The following NBEA variants were observed in gnomAD, a reference collection of about 807,000 sequenced individuals.
NBEA encodes lysosomal-trafficking regulator 2.
NBEA carries 44 observed loss-of-function variants against 343.4 expected under a neutral mutation model. That is an observed-to-expected ratio of 0.13 (90% CI 0.10 to 0.16). The LOEUF (loss-of-function observed/expected upper bound fraction) is 0.16. NBEA is among the 10% of genes least tolerant of loss of function. NBEA has a pLI of 1.00. For missense variants in NBEA, 2,555 were observed against 3,631.3 expected (o/e 0.70, Z 7.62); for synonymous variants, 1,175 against 1,238.7 (o/e 0.95, Z 1.08).
chr13:35,136,923 A>T (rs2152690540), intron 17 of NBEA, among the ~76,000 whole-genome samples: 1 of 152,358 alleles, frequency 6.6e-6, no homozygotes, highest in East Asian at 1.9e-4. Flanking sequence ...AACAATTCAT[A>T]CATAACAGCA....
chr13:35,480,673 T>G (rs984378082), intron 41 of NBEA, among the ~76,000 whole-genome samples: 6 of 152,046 alleles, frequency 3.9e-5, no homozygotes, highest in African/African-American at 1.2e-4. Flanking sequence ...TCTTTCCCCC[T>G]TCTTTTTTTT....
intron 45 of NBEA, among the ~76,000 whole-genome samples, chr13:35,579,615 A>G (rs942113003): frequency 1.3e-5 from 2 of 152,174 alleles, no homozygotes; most frequent in African/African-American, 4.8e-5. Context: ...TTGCATCTAA[A>G]CAGTTGTTTT....
At chr13:35,222,419 T>A (rs2074421261) in intron 33 of NBEA, among the ~76,000 whole-genome samples, 1 of 152,154 alleles carries the variant, frequency 6.6e-6, no homozygotes, top group Non-Finnish European at 1.5e-5. Context: ...TATTTCTACA[T>A]CATTTGCATT....
At chr13:35,020,353 T>C (rs1390656267) in intron 1 of NBEA, among the ~76,000 whole-genome samples, 1 of 152,216 alleles carries the variant, frequency 6.6e-6, no homozygotes, top group Non-Finnish European at 1.5e-5. Context: ...TATCATACTT[T>C]GTATAATTTG....
chr13:35,190,656 G>T (rs2072118971), intron 30 of NBEA, among the ~76,000 whole-genome samples: 1 of 152,102 alleles, frequency 6.6e-6, no homozygotes, highest in South Asian at 2.1e-4. Flanking sequence ...ACAAACTGTA[G>T]GTGGGGTCAG....
intron 1 of NBEA, among the ~76,000 whole-genome samples, chr13:34,966,182 A>G (rs966094030): frequency 2.0e-5 from 3 of 152,096 alleles, no homozygotes; most frequent in Non-Finnish European, 4.4e-5. Context: ...ACTTTGGGCA[A>G]TATGGAGCAA....
At chr13:35,376,221 C>A (rs774302037) in intron 38 of NBEA, among the ~76,000 whole-genome samples, 1 of 152,052 alleles carries the variant, frequency 6.6e-6, no homozygotes, top group Non-Finnish European at 1.5e-5. Context: ...AGAGCCTTTG[C>A]ACATTATGAA....
At chr13:35,532,752 C>T (rs1332630043) in intron 41 of NBEA, among the ~76,000 whole-genome samples, 9 of 152,108 alleles carry the variant, frequency 5.9e-5, no homozygotes, top group Admixed American at 2.6e-4. Flanking sequence ...AATGAATCTT[C>T]AGCCAGGGCC....
chr13:35,303,955 C>A (rs539860728), intron 35 of NBEA, among the ~76,000 whole-genome samples: 5 of 152,136 alleles, frequency 3.3e-5, no homozygotes, highest in Non-Finnish European at 1.5e-5. Context: ...TTGTCCTCAT[C>A]ATACCTGACT....
intron 4 of NBEA, among the ~76,000 whole-genome samples, chr13:35,048,335 C>T (rs2062938457): frequency 1.3e-5 from 2 of 151,922 alleles, no homozygotes; most frequent in South Asian, 4.1e-4. Flanking sequence ...GAGATAAAAT[C>T]TAATTCACTG....
chr13:35,226,312 G>C (rs2074647948), intron 33 of NBEA, among the ~76,000 whole-genome samples: 1 of 152,062 alleles, frequency 6.6e-6, no homozygotes, highest in African/African-American at 2.4e-5. Flanking sequence ...TTAACCTTGG[G>C]TGAAGCAGCT....
intron 48 of NBEA, among the ~76,000 whole-genome samples, chr13:35,627,581 G>A (rs982572342): frequency 1.3e-5 from 2 of 152,074 alleles, no homozygotes; most frequent in African/African-American, 4.8e-5. Context: ...TTAATTCATA[G>A]TGGAAGAAAG....
intron 17 of NBEA, among the ~76,000 whole-genome samples, chr13:35,136,203 C>T (rs1280246722): frequency 6.6e-6 from 1 of 152,106 alleles, no homozygotes; most frequent in African/African-American, 2.4e-5. Context: ...AGTATCCTTC[C>T]CTCATTTCTA....
At chr13:35,518,433 A>G (rs771311299) in intron 41 of NBEA, among the ~76,000 whole-genome samples, 3 of 152,190 alleles carry the variant, frequency 2.0e-5, no homozygotes, top group South Asian at 2.1e-4. Flanking sequence ...AGAGCCGGAA[A>G]TGGAATTAAA....
intron 38 of NBEA, among the ~76,000 whole-genome samples, chr13:35,395,035 GT>G (rs1335227609): frequency 6.6e-6 from 1 of 151,880 alleles, no homozygotes; most frequent in Non-Finnish European, 1.5e-5. Context: ...TGTTGTTTAA[GT>G]TTCCGATATT....
At chr13:35,550,377 ATTCAT>A in intron 41 of NBEA, 95 bp from the exon 42 acceptor site, 1 of 649,214 alleles carries the variant, frequency 1.5e-6, no homozygotes, top group Non-Finnish European at 2.6e-6. Flanking sequence ...CAGACAGTGA[ATTCAT>A]TTCTAGTTTT....
intron 1 of NBEA, among the ~76,000 whole-genome samples, chr13:34,965,002 T>C (rs2059775521): frequency 1.3e-5 from 2 of 152,060 alleles, no homozygotes; most frequent in Admixed American, 1.3e-4. Context: ...TGGTTATTTG[T>C]TTATTTCTTC....
At chr13:35,605,919 G>A (rs1251594679) in intron 47 of NBEA, among the ~76,000 whole-genome samples, 1 of 150,614 alleles carries the variant, frequency 6.6e-6, no homozygotes. Flanking sequence ...ACTTTATCAA[G>A]TAAAAAAAAC....
At chr13:35,245,245 T>A (rs1285146427) in intron 34 of NBEA, among the ~76,000 whole-genome samples, 2 of 152,172 alleles carry the variant, frequency 1.3e-5, no homozygotes, top group East Asian at 3.9e-4. Flanking sequence ...AATTCTTATC[T>A]ATTCTGTAAT....
Sources: allele counts gnomAD v4.1 joint callset (sites outside exome capture counted in the v4.1 genomes callset), GRCh38; gene constraint gnomAD v4.1.1; transcripts MANE v1.5; gene names NCBI Gene and HGNC (gene_info 2026-07-23, HGNC 2026-07-21).